The following PSG3 variants were observed in gnomAD, a reference collection of about 807,000 sequenced individuals.
PSG3 encodes pregnancy specific beta-1-glycoprotein 3.
In PSG3, 61 loss-of-function variants were observed where a neutral mutation model predicts 47.5. The observed-to-expected ratio is 1.28, with a 90% CI of 1.05 to 1.59. The LOEUF is 1.59. Ranked by LOEUF, PSG3 falls within the 40% of genes most tolerant of loss-of-function variation. The probability of loss-of-function intolerance (pLI) is 0.00; values close to 1 mark genes in which losing one functional copy is unlikely to be tolerated. For synonymous variants in PSG3, 263 were observed against 198.4 expected (o/e 1.33, Z -2.74); for missense variants, 756 against 524.0 (o/e 1.44, Z -4.32).
chr19:42,722,437 G>A (rs1969313523), intron 6 of PSG3, among the ~76,000 whole-genome samples: 1 of 152,124 alleles, frequency 6.6e-6, no homozygotes, highest in African/African-American at 2.4e-5. Flanking sequence ...TGCATTTTTA[G>A]TAGAGATGGG....
intron 4 of PSG3, 148 bp from the exon 5 acceptor site, chr19:42,729,525 G>A (rs1243523165): frequency 1.4e-6 from 2 of 1,477,078 alleles, no homozygotes; most frequent in East Asian, 4.5e-5. Flanking sequence ...GCTGAAGCCT[G>A]AGGTATTCCC....
Position 42,738,848 on chromosome 19 carries a change from A to G in PSG3, c.306T>C (p.Tyr102=), listed in dbSNP as rs757434622. 3 of 1,613,994 alleles carry G rather than the reference A, an allele frequency of 1.9e-6. No homozygotes were observed. The African/African-American group carries it at 4.0e-5, about 22-fold the overall frequency. The change falls in exon 2 of 7, where the codon TAT becomes TAC. Residue 102 remains tyrosine (Y), a synonymous_variant. Transcript: ENST00000327495. ...GPAYSGRETV[Y]SNASLLIQNV... is the part of the protein sequence containing the mutation. ...TCTGGATCAGCAGGGATGCATTGGA[A>G]TATACTGTTTCTCGTCCACTGTATG...
intron 5 of PSG3, among the ~76,000 whole-genome samples, chr19:42,724,670 C>T (rs758085368): frequency 3.4e-4 from 51 of 151,954 alleles, no homozygotes; most frequent in African/African-American, 9.2e-4. Context: ...TGGGTTCTCC[C>T]GTACTACCTT....
At chr19:42,722,189 A>C (rs1175584024) in intron 6 of PSG3, 99 bp from the exon 7 acceptor site, 2 of 400,026 alleles carry the variant, frequency 5.0e-6, no homozygotes, top group African/African-American at 2.1e-5. Context: ...CTTCTGTGGC[A>C]TATGACACTA....
intron 5 of PSG3, among the ~76,000 whole-genome samples, chr19:42,727,547 A>T (rs1969397005): frequency 6.6e-6 from 1 of 152,222 alleles, no homozygotes; most frequent in Non-Finnish European, 1.5e-5. Context: ...TGCAAATCAA[A>T]ACCACATTGT....
intron 3 of PSG3, chr19:42,732,041 C>T (rs1408205072): frequency 1.3e-5 from 2 of 152,372 alleles, no homozygotes; most frequent in Non-Finnish European, 2.9e-5. Flanking sequence ...TTTTCCCTCT[C>T]CCTTTGCAGA....
intron 2 of PSG3, among the ~76,000 whole-genome samples, chr19:42,734,849 A>T (rs1600388332): frequency 6.6e-6 from 1 of 152,220 alleles, no homozygotes; most frequent in Admixed American, 6.5e-5. Flanking sequence ...TTCTGTGCAG[A>T]GTTAGGAAAA....
chr19:42,731,536 TTC>T (rs555468823), intron 3 of PSG3, among the ~76,000 whole-genome samples: 2 of 152,332 alleles, frequency 1.3e-5, no homozygotes, highest in South Asian at 4.1e-4. Flanking sequence ...GATTGCTATT[TTC>T]TATGTCATCA....
intron 3 of PSG3, among the ~76,000 whole-genome samples, chr19:42,731,683 G>A (rs1197478623): frequency 6.6e-6 from 1 of 151,392 alleles, no homozygotes; most frequent in Non-Finnish European, 1.5e-5. Flanking sequence ...ATTCTGTTAG[G>A]TGTTACATTG....
Position 42,729,496 on chromosome 19 carries a change from C to G in PSG3, c.989-119G>C, listed in dbSNP as rs1010903227. The G allele has an allele frequency of 8.7e-6, 13 of 1,501,128 alleles. No homozygotes were observed. In the South Asian group the frequency reaches 1.5e-4, roughly 17 times the overall value. The allele number at this position is 1,501,128 out of a possible 1,614,324, so 93.0% of individuals were successfully genotyped here. A position where few individuals can be genotyped will look rare whatever the true frequency, so the allele number is the denominator to read the frequency against. On this transcript the variant is annotated intron_variant, in intron 4 of 6. Transcript: ENST00000327495. Reference sequence around the variant, plus strand: ...GACACACCCTCAAGTGCCAGCCAAACCCCCTCTATGTTCACTGAGCTGAAG... The same window carrying G: ...GACACACCCTCAAGTGCCAGCCAAAGCCCCTCTATGTTCACTGAGCTGAAG...
chr19:42,737,588 C>T (rs1444405316), intron 2 of PSG3, among the ~76,000 whole-genome samples: 2 of 152,128 alleles, frequency 1.3e-5, no homozygotes, highest in African/African-American at 2.4e-5. Context: ...TTCTGGAATA[C>T]AGACTAATCA....
chr19:42,733,894 AAAGGGC>A (rs1969518152), intron 2 of PSG3, among the ~76,000 whole-genome samples: 1 of 152,232 alleles, frequency 6.6e-6, no homozygotes, highest in Non-Finnish European at 1.5e-5. Flanking sequence ...CGACTGGTGG[AAAGGGC>A]GAACATGAAC....
intron 5 of PSG3, among the ~76,000 whole-genome samples, chr19:42,725,006 T>G (rs1237176242): frequency 6.6e-6 from 1 of 152,094 alleles, no homozygotes; most frequent in Non-Finnish European, 1.5e-5. Flanking sequence ...TTATTTCCAT[T>G]TTGCCGATGA....
chr19:42,734,722 T>A (rs886374929), intron 2 of PSG3, among the ~76,000 whole-genome samples: 2 of 151,740 alleles, frequency 1.3e-5, no homozygotes, highest in East Asian at 3.9e-4. Context: ...GTAGAGAGAG[T>A]CCCGTTAAAA....
chr19:42,725,205 A>T (rs546056828), intron 5 of PSG3, among the ~76,000 whole-genome samples: 5 of 152,294 alleles, frequency 3.3e-5, no homozygotes, highest in East Asian at 3.9e-4. Context: ...TTTAAAAGAA[A>T]GGTATGAAGA....
At chr19:42,728,072 G>A (rs1969404677) in intron 5 of PSG3, among the ~76,000 whole-genome samples, 1 of 152,146 alleles carries the variant, frequency 6.6e-6, no homozygotes, top group African/African-American at 2.4e-5. Flanking sequence ...AGAATAGCCA[G>A]TTACATAGAG....
Position 42,740,442 on chromosome 19 carries a change from C to A in PSG3, c.-58G>T. ...AGCTGAGCCTAGGATCCAGAAACTT[C>A]CTGAGCATGGCTCTCAGCTGTGCTG... On this transcript the variant is annotated 5_prime_UTR_variant, in exon 1 of 7. Coordinates refer to ENST00000327495, the MANE Select transcript of PSG3 (RefSeq NM_021016.4). The A allele has an allele frequency of 6.2e-7, 1 of 1,613,596 alleles. No homozygotes were observed. The highest frequency in any genetic ancestry group is 8.5e-7 in the Non-Finnish European group (1 of 1,179,748).
Position 42,738,997 on chromosome 19 carries a change from G to A in PSG3, c.157C>T (p.Leu53=). The A allele has an allele frequency of 6.2e-7, 1 of 1,614,024 alleles. No homozygotes were observed. Among genetic ancestry groups the A allele is most frequent in the East Asian group, 2.2e-5 (1 of 44,870 alleles). The change falls in exon 2 of 7, where the codon CTA becomes TTA. Residue 53 remains leucine, a synonymous_variant. Coordinates refer to ENST00000327495, the MANE Select transcript of PSG3 (RefSeq NM_021016.4). ...TTCTGGGGCAAATTGTGGACAAGTA[G>A]AAGAACGTCCTTCCCCTTGGAAACT... ...TKVSKGKDVL[L]LVHNLPQNLA...
Position 42,730,164 on chromosome 19 carries a change from T to G in PSG3, c.710-108A>C, listed in dbSNP as rs1368996077. The G allele has an allele frequency of 3.2e-6, 5 of 1,540,726 alleles. No homozygotes were observed. The East Asian group carries it at 1.1e-4, about 35-fold the overall frequency. ...CCCACCTCTCAGCCCACCCGAGTCC[T>G]TGAAAGCCAATAGCTGGTGCGTGTG... On this transcript the variant is annotated intron_variant, in intron 3 of 6. Transcript: ENST00000327495.
Sources: allele counts gnomAD v4.1 joint callset (sites outside exome capture counted in the v4.1 genomes callset), GRCh38; gene constraint gnomAD v4.1.1; transcripts MANE v1.5; gene names NCBI Gene and HGNC (gene_info 2026-07-23, HGNC 2026-07-21).